The following EPB41L4A variants were observed in gnomAD, a reference collection of about 807,000 sequenced individuals.
EPB41L4A encodes erythrocyte membrane protein band 4.1 like 4A, also known as band 4.1-like protein 4A.
A neutral mutation model predicts 108.6 loss-of-function variants in EPB41L4A; 100 were observed. The observed-to-expected ratio is 0.92, with a 90% confidence interval of 0.78 to 1.09. The LOEUF is 1.09. Among genes scored for constraint, EPB41L4A ranks in the 50% least tolerant of loss-of-function variants. EPB41L4A has a pLI of 0.00. For synonymous variants in EPB41L4A, 319 were observed against 289.0 expected, an observed-to-expected ratio of 1.10 and a Z score of -1.05; for missense variants, 1,030 against 842.7, an observed-to-expected ratio of 1.22 and a Z score of -2.75.
At chr5:112,309,889 G>A (rs1754938638) in intron 1 of EPB41L4A, among the ~76,000 whole-genome samples, 1 of 152,190 alleles carries the variant, frequency 6.6e-6, no homozygotes, top group Admixed American at 6.5e-5. Flanking sequence ...TTCAGGACCT[G>A]AGGGGAGCCC....
At chr5:112,172,050 C>T (rs79796459) in intron 18 of EPB41L4A, among the ~76,000 whole-genome samples, 1,725 of 152,278 alleles carry the variant, frequency 0.011, 13 homozygotes, top group Middle Eastern at 0.017. Context: ...TTTCCAGCCA[C>T]TGAGTTGACC....
rs1760027637 is a variant in EPB41L4A at position 112,163,277 on chromosome 5, T to TA, written c.*1712dup. The TA allele has an allele frequency of 6.6e-6, 1 of 152,188 alleles. No individual in the cohort carries two copies. Among genetic ancestry groups the TA allele is most frequent in the Admixed American group, 6.5e-5 (1 of 15,280 alleles). The allele number at this position is 152,188 out of a possible 1,614,324, so 9.4% of individuals were successfully genotyped here. ...TGTCCAGCTTGCACACTGATGAGCA[T>TA]AATGACCCTAGATTCAGCTGGGGAG... On this transcript the variant is annotated 3_prime_UTR_variant, in exon 23 of 23. Transcript: ENST00000261486.
At chr5:112,299,978 G>C (rs1754246404) in intron 2 of EPB41L4A, among the ~76,000 whole-genome samples, 1 of 151,976 alleles carries the variant, frequency 6.6e-6, no homozygotes, top group Non-Finnish European at 1.5e-5. Flanking sequence ...GCTTGTTTTT[G>C]GTGTCTATTT....
chr5:112,227,820 C>T (rs1262913387), intron 12 of EPB41L4A, among the ~76,000 whole-genome samples: 1 of 152,208 alleles, frequency 6.6e-6, no homozygotes, highest in Non-Finnish European at 1.5e-5. Context: ...TGAAACTGTA[C>T]TTCATTATAT....
At chr5:112,311,856 G>A (rs1755075014) in intron 1 of EPB41L4A, among the ~76,000 whole-genome samples, 1 of 152,090 alleles carries the variant, frequency 6.6e-6, no homozygotes, top group African/African-American at 2.4e-5. Flanking sequence ...TCACTTATGG[G>A]TCCTTTCTCC....
At chr5:112,181,534 A>G (rs1209197082) in intron 18 of EPB41L4A, among the ~76,000 whole-genome samples, 2 of 152,212 alleles carry the variant, frequency 1.3e-5, no homozygotes, top group Admixed American at 1.3e-4. Flanking sequence ...AAAGAAAACA[A>G]ATTCCACACA....
At chr5:112,218,590 TTC>T (rs1418685789) in intron 12 of EPB41L4A, among the ~76,000 whole-genome samples, 1 of 152,228 alleles carries the variant, frequency 6.6e-6, no homozygotes, top group Non-Finnish European at 1.5e-5. Flanking sequence ...CTAAAGCTGG[TTC>T]TGTCTCAGAG....
chr5:112,339,449 T>C (rs1363092496), intron 1 of EPB41L4A, among the ~76,000 whole-genome samples: 4 of 146,260 alleles, frequency 2.7e-5, no homozygotes, highest in Non-Finnish European at 6.0e-5. Context: ...AACAAGGAGA[T>C]ATATAGCTAT....
chr5:112,296,560 A>G (rs974664091), intron 2 of EPB41L4A, among the ~76,000 whole-genome samples: 4 of 152,204 alleles, frequency 2.6e-5, no homozygotes, highest in African/African-American at 7.2e-5. Context: ...AGTCCCACTC[A>G]CCTCATTAAA....
Position 112,307,501 on chromosome 5 carries a change from A to C in EPB41L4A, c.100-11T>G. 1 of 1,594,686 alleles carries C rather than the reference A, an allele frequency of 6.3e-7. No homozygotes were observed. Among genetic ancestry groups the C allele is most frequent in the Non-Finnish European group, 8.6e-7 (1 of 1,163,098 alleles). ...ACCTTTCGTTGACTTCTGCAAAAATAATTCAGTTTTATATTTTTTAACTGC... is the reference window on the plus strand; with the variant it reads ...ACCTTTCGTTGACTTCTGCAAAAATCATTCAGTTTTATATTTTTTAACTGC... On this transcript the variant is annotated splice_polypyrimidine_tract_variant and intron_variant, in intron 1 of 22. Transcript: ENST00000261486.
rs758462512 is a variant in EPB41L4A, at chr5:112,264,912, T to C, written c.538A>G (p.Ile180Val). The change falls in exon 6 of 23, where the codon ATT (isoleucine) becomes GTT (valine). Residue 180 changes from isoleucine (I) to valine (V), a missense_variant. Physicochemically the swap from Ile to Val is conservative, Grantham distance 29 (BLOSUM62 3). Coordinates refer to ENST00000261486, the MANE Select transcript of EPB41L4A (RefSeq NM_022140.5). ...GATTCTTACATTAGAGTTTTATGAA[T>C]CCTTTCTATGGCTTCTTCAAGTTCT... is the stretch of plus-strand genomic sequence containing the variant. ...KEELEEAIER[I>V]HKTLMGQIPS... 7 of 1,611,924 alleles carry C rather than the reference T, an allele frequency of 4.3e-6. No homozygotes were observed. Among genetic ancestry groups the C allele is most frequent in the Non-Finnish European group, 5.9e-6 (7 of 1,179,368 alleles).
At chr5:112,260,263 T>C (rs963320009) in intron 7 of EPB41L4A, among the ~76,000 whole-genome samples, 2 of 152,214 alleles carry the variant, frequency 1.3e-5, no homozygotes, top group African/African-American at 4.8e-5. Flanking sequence ...CCAACTTTCC[T>C]TACACAGTGG....
intron 17 of EPB41L4A, among the ~76,000 whole-genome samples, 154 bp from the exon 18 acceptor site, chr5:112,184,289 A>G (rs1200684725): frequency 6.6e-6 from 1 of 152,242 alleles, no homozygotes; most frequent in South Asian, 2.1e-4. Flanking sequence ...TAATATATCC[A>G]TATGTAGGTA....
chr5:112,173,308 G>A (rs540715447), intron 18 of EPB41L4A, among the ~76,000 whole-genome samples: 7 of 152,186 alleles, frequency 4.6e-5, no homozygotes, highest in East Asian at 1.9e-4. Context: ...GGGTGGACAC[G>A]GGGAGAATGA....
At chr5:112,391,374 AAG>A (rs1479238685) in intron 1 of EPB41L4A, among the ~76,000 whole-genome samples, 1 of 149,660 alleles carries the variant, frequency 6.7e-6, no homozygotes, top group Non-Finnish European at 1.5e-5. Flanking sequence ...TAGTGCAGAG[AAG>A]ACCTTAAATG....
chr5:112,280,023 A>G (rs1752864776), intron 3 of EPB41L4A, among the ~76,000 whole-genome samples: 1 of 152,208 alleles, frequency 6.6e-6, no homozygotes, highest in Non-Finnish European at 1.5e-5. Flanking sequence ...AACCACAGAC[A>G]AAATCAAGGA....
At chr5:112,233,346 T>C (rs1176548498) in intron 12 of EPB41L4A, among the ~76,000 whole-genome samples, 3 of 152,244 alleles carry the variant, frequency 2.0e-5, no homozygotes, top group Admixed American at 2.0e-4. Context: ...TGAGAACACT[T>C]ATCAGAGAAA....
chr5:112,261,940 G>A (rs62364080), intron 7 of EPB41L4A, among the ~76,000 whole-genome samples: 3 of 146,520 alleles, frequency 2.0e-5, no homozygotes, highest in Admixed American at 6.8e-5. Context: ...CCAGGCTGGA[G>A]TGCAGTGGCA....
intron 13 of EPB41L4A, among the ~76,000 whole-genome samples, chr5:112,207,776 G>A (rs2150305904): frequency 6.6e-6 from 1 of 152,232 alleles, no homozygotes; most frequent in Admixed American, 6.5e-5. Flanking sequence ...AAATAAAGAT[G>A]TTGGCAAGAT....
Sources: allele counts gnomAD v4.1 joint callset (sites outside exome capture counted in the v4.1 genomes callset), GRCh38; gene constraint gnomAD v4.1.1; transcripts MANE v1.5; gene names NCBI Gene and HGNC (gene_info 2026-07-23, HGNC 2026-07-21).